The following RIMS1 variants were observed in gnomAD, a reference collection of about 807,000 sequenced individuals.
The protein encoded by RIMS1 is regulating synaptic membrane exocytosis 1, also known as regulating synaptic membrane exocytosis protein 1.
Under a neutral mutation model 214.1 loss-of-function variants are expected in RIMS1, and 83 were observed. The observed-to-expected ratio is 0.39, with a 90% CI of 0.32 to 0.47. The LOEUF is 0.47. RIMS1 is among the 20% of genes least tolerant of loss of function. The pLI is 0.99. For synonymous variants in RIMS1, 793 were observed against 786.8 expected (o/e 1.01, Z -0.13); for missense variants, 2,050 against 2,161.8 (o/e 0.95, Z 1.03).
intron 24 of RIMS1, among the ~76,000 whole-genome samples, chr6:72,286,735 G>A (rs980250049): frequency 2.0e-5 from 3 of 152,104 alleles, no homozygotes; most frequent in Non-Finnish European, 2.9e-5. Context: ...CGAAGACACA[G>A]TATAAATGCT....
At chr6:72,394,106 G>A (rs2098745720) in intron 31 of RIMS1, among the ~76,000 whole-genome samples, 1 of 151,690 alleles carries the variant, frequency 6.6e-6, no homozygotes, top group East Asian at 1.9e-4. Flanking sequence ...CAGGATGATA[G>A]CAAAGGAAGA....
At chr6:72,290,949 A>G in intron 25 of RIMS1, 88 bp downstream of exon 25, 1 of 1,123,504 alleles carries the variant, frequency 8.9e-7, no homozygotes, top group South Asian at 1.5e-5. Flanking sequence ...TGAAGCTTTC[A>G]CTCATTTTGA....
At chr6:72,329,659 C>T (rs2096593646) in intron 28 of RIMS1, among the ~76,000 whole-genome samples, 4 of 151,552 alleles carry the variant, frequency 2.6e-5, no homozygotes, top group Admixed American at 2.6e-4. Context: ...CCCTTAGGTG[C>T]TCTTGTTAGC....
chr6:72,059,481 G>A (rs949669894), intron 2 of RIMS1, among the ~76,000 whole-genome samples: 1 of 151,932 alleles, frequency 6.6e-6, no homozygotes, highest in Non-Finnish European at 1.5e-5. Flanking sequence ...CATCCCCCTC[G>A]GCCTCCCAAA....
intron 11 of RIMS1, among the ~76,000 whole-genome samples, 174 bp downstream of exon 11, chr6:72,246,035 C>T (rs2069430745): frequency 6.6e-6 from 1 of 152,000 alleles, no homozygotes; most frequent in South Asian, 2.1e-4. Context: ...AGAAGTCCTA[C>T]TTCAGGATTT....
chr6:72,130,487 G>C (rs908467778), intron 4 of RIMS1, among the ~76,000 whole-genome samples: 3 of 152,040 alleles, frequency 2.0e-5, no homozygotes, highest in African/African-American at 7.2e-5. Flanking sequence ...GATAGGAACC[G>C]ATTATGAAAG....
At position 72,234,387 on chromosome 6, in the gene RIMS1, A is replaced by T. The variant is rs564782986; in HGVS notation, c.1746+547A>T. ...GAAAGAAAGCAAGTTGTTTATTTTT[A>T]AAAAATTTAATAGGCCTTTTTCGAG... On this transcript the variant is annotated intron_variant, in intron 7 of 33. Transcript: ENST00000521978. 3.9e-5 allele frequency among the ~76,000 whole-genome samples: 6 copies of T among 152,066 alleles called. No individual in the cohort carries two copies. The East Asian group carries it at 7.7e-4, about 20-fold the overall frequency.
At chr6:72,006,157 T>A (rs1276802330) in intron 2 of RIMS1, among the ~76,000 whole-genome samples, 1 of 152,110 alleles carries the variant, frequency 6.6e-6, no homozygotes, top group African/African-American at 2.4e-5. Context: ...ACCAATTCCA[T>A]TCATAAGGGC....
intron 26 of RIMS1, among the ~76,000 whole-genome samples, chr6:72,304,158 G>A (rs1176676582): frequency 6.6e-6 from 1 of 151,562 alleles, no homozygotes; most frequent in African/African-American, 2.4e-5. Flanking sequence ...TAAAGAAATA[G>A]CAACTGGCAT....
At chr6:72,381,456 G>T (rs968283599) in intron 29 of RIMS1, among the ~76,000 whole-genome samples, 1 of 152,174 alleles carries the variant, frequency 6.6e-6, no homozygotes, top group Non-Finnish European at 1.5e-5. Flanking sequence ...CAATTTACAC[G>T]AGTGAGAAGT....
intron 1 of RIMS1, among the ~76,000 whole-genome samples, chr6:71,929,805 A>T (rs1782536297): frequency 6.6e-6 from 1 of 152,120 alleles, no homozygotes; most frequent in Non-Finnish European, 1.5e-5. Flanking sequence ...TGGGACTGGC[A>T]TCATGTGAGA....
chr6:72,237,482 C>T (rs2154098583), intron 8 of RIMS1, among the ~76,000 whole-genome samples: 1 of 152,122 alleles, frequency 6.6e-6, no homozygotes, highest in East Asian at 1.9e-4. Context: ...CAAGATCAGT[C>T]TGGGCAACAT....
At chr6:72,310,415 T>G (rs2095449779) in intron 27 of RIMS1, among the ~76,000 whole-genome samples, 1 of 152,018 alleles carries the variant, frequency 6.6e-6, no homozygotes, top group African/African-American at 2.4e-5. Context: ...TTTTTTTTAT[T>G]GGTGGTATAC....
intron 27 of RIMS1, among the ~76,000 whole-genome samples, chr6:72,310,877 G>T (rs1240973280): frequency 6.6e-6 from 1 of 151,978 alleles, no homozygotes; most frequent in Non-Finnish European, 1.5e-5. Context: ...CAGAATGATA[G>T]ATTATTCTTT....
chr6:72,336,768 C>T (rs929172635), intron 29 of RIMS1, among the ~76,000 whole-genome samples: 1 of 151,846 alleles, frequency 6.6e-6, no homozygotes, highest in Non-Finnish European at 1.5e-5. Flanking sequence ...ATGTTGATAA[C>T]CCTCAATTAT....
At chr6:72,344,860 G>A (rs941265619) in intron 29 of RIMS1, among the ~76,000 whole-genome samples, 1 of 151,616 alleles carries the variant, frequency 6.6e-6, no homozygotes, top group African/African-American at 2.4e-5. Context: ...TTTACGTTTG[G>A]CTAAGATATA....
intron 2 of RIMS1, among the ~76,000 whole-genome samples, chr6:71,983,717 G>GT (rs1316939576): frequency 9.9e-5 from 15 of 152,118 alleles, no homozygotes; most frequent in African/African-American, 3.1e-4. Context: ...ACTGATTTAT[G>GT]TTTTTTCTGC....
At chr6:72,110,776 G>T (rs967965435) in intron 4 of RIMS1, among the ~76,000 whole-genome samples, 18 of 151,870 alleles carry the variant, frequency 1.2e-4, no homozygotes, top group Admixed American at 1.3e-4. Flanking sequence ...TCCCTGTCTT[G>T]TGCCAGTTTT....
chr6:72,183,582 T>C (rs1438076445), intron 6 of RIMS1, among the ~76,000 whole-genome samples: 2 of 148,112 alleles, frequency 1.4e-5, no homozygotes, highest in African/African-American at 4.9e-5. Context: ...TTTTTTTTTT[T>C]CAAACTTCAA....
Sources: gnomAD v4.1 joint callset for allele counts (sites outside exome capture counted in the v4.1 genomes callset) on GRCh38, gnomAD v4.1.1 for gene constraint, MANE v1.5 for transcripts, NCBI Gene and HGNC (gene_info 2026-07-23, HGNC 2026-07-21) for gene names.